The following ARID1B variants were observed in gnomAD, a reference collection of about 807,000 sequenced individuals.
The protein encoded by ARID1B is AT-rich interactive domain-containing protein 1B.
ARID1B carries 30 observed loss-of-function variants against 212.3 expected under a neutral mutation model. The ratio of observed to expected loss-of-function variants is 0.14; its 90% CI spans 0.11 to 0.19. ARID1B has a LOEUF of 0.19. Ranked by LOEUF, ARID1B falls within the 10% of genes least tolerant of loss-of-function variation. The probability of loss-of-function intolerance (pLI) is 1.00; values close to 1 mark genes in which losing one functional copy is unlikely to be tolerated. For missense variants in ARID1B, 2,891 were observed against 3,204.0 expected (o/e 0.90, Z 2.36); for synonymous variants, 1,402 against 1,301.7 (o/e 1.08, Z -1.66).
At chr6:157,133,305 A>G in intron 7 of ARID1B, 98 bp downstream of exon 7, 1 of 1,325,320 alleles carries the variant, frequency 7.5e-7, no homozygotes. Context: ...ACATATCGTA[A>G]GATCCATTAT....
chr6:157,173,684 T>C (rs950454637), intron 9 of ARID1B: 8 of 182,272 alleles, frequency 4.4e-5, no homozygotes, highest in Non-Finnish European at 8.0e-5. Flanking sequence ...TTTAAACATT[T>C]GCCTTATTTC....
In ARID1B at chr6:157,084,895, A is replaced by G. The variant is rs779669164; in HGVS notation, c.2481A>G (p.Ala827=). ...CTCGATCTGGCCCAATCTCTCCTGC[A>G]AGTATCCCAGGTATTTACTTTCCTG... ...NQSRSGPISP[A]SIPGSQMPPQ... The change falls in exon 5 of 20, where the codon GCA becomes GCG. Residue 827 remains alanine, a synonymous_variant. Coordinates refer to ENST00000636930, the MANE Select transcript of ARID1B (RefSeq NM_001374828.1). 2 of 1,609,778 alleles carry G rather than the reference A, an allele frequency of 1.2e-6. No individual in the cohort carries two copies. The highest frequency in any genetic ancestry group is 3.4e-5 in the Admixed American group (2 of 59,292).
intron 6 of ARID1B, among the ~76,000 whole-genome samples, chr6:157,130,041 C>A (rs999485183): frequency 2.0e-5 from 3 of 152,056 alleles, no homozygotes. Flanking sequence ...TGATGGCATG[C>A]ACCTGTAATC....
intron 4 of ARID1B, among the ~76,000 whole-genome samples, chr6:157,004,369 C>T (rs778929668): frequency 2.6e-5 from 4 of 152,142 alleles, no homozygotes; most frequent in South Asian, 2.1e-4. Flanking sequence ...CAAGTGAAAT[C>T]ATTTTGCAGC....
At chr6:156,975,642 A>T (rs1777190240) in intron 4 of ARID1B, among the ~76,000 whole-genome samples, 1 of 145,252 alleles carries the variant, frequency 6.9e-6, no homozygotes. Context: ...AGTTCCTTAA[A>T]GATACTGGTC....
chr6:157,107,294 C>T (rs994500546), intron 5 of ARID1B, among the ~76,000 whole-genome samples: 12 of 151,638 alleles, frequency 7.9e-5, no homozygotes, highest in Admixed American at 3.3e-4. Context: ...AAAGACATGA[C>T]GCGGAAAAAT....
At chr6:156,785,885 T>C (rs1242973770) in intron 1 of ARID1B, among the ~76,000 whole-genome samples, 2 of 152,242 alleles carry the variant, frequency 1.3e-5, no homozygotes, top group Non-Finnish European at 2.9e-5. Flanking sequence ...CTCTCAATTC[T>C]AACTTTGGGG....
chr6:156,925,408 CTTAGGA>C (rs1278105845), intron 3 of ARID1B, among the ~76,000 whole-genome samples: 2 of 152,118 alleles, frequency 1.3e-5, no homozygotes, highest in African/African-American at 4.8e-5. Context: ...ACTCAGGAGG[CTTAGGA>C]GAAAGGATCC....
At chr6:157,024,843 A>G (rs1410839565) in intron 4 of ARID1B, 2 of 152,206 alleles carry the variant, frequency 1.3e-5, no homozygotes, top group South Asian at 2.1e-4. Context: ...GCTTTTTGCT[A>G]TTGAGTAGAA....
intron 5 of ARID1B, among the ~76,000 whole-genome samples, chr6:157,102,500 T>C (rs1219693838): frequency 6.6e-6 from 1 of 152,136 alleles, no homozygotes; most frequent in Non-Finnish European, 1.5e-5. Flanking sequence ...TTATGAAGCC[T>C]TCCCCTTTAA....
At chr6:157,096,884 A>G (rs1222576179) in intron 5 of ARID1B, among the ~76,000 whole-genome samples, 1 of 152,246 alleles carries the variant, frequency 6.6e-6, no homozygotes, top group Non-Finnish European at 1.5e-5. Context: ...TAAACACCCA[A>G]ATGTATTAAT....
Position 156,778,675 on chromosome 6 carries a change from G to A in ARID1B, c.995G>A (p.Gly332Glu). 10 of 1,503,336 alleles carry A rather than the reference G, an allele frequency of 6.7e-6. No individual in the cohort carries two copies. Among genetic ancestry groups the A allele is most frequent in the Non-Finnish European group, 8.9e-6 (10 of 1,125,026 alleles). 93.1% of individuals were successfully genotyped at this position (1,503,336 alleles called of 1,614,324 possible). A position where few individuals can be genotyped will look rare whatever the true frequency, so the allele number is the denominator to read the frequency against. ...AGCGGCGGCCCCGGCGGCCGCGCTG[G>A]GCCTTGCTTTGATCAACATGGCGGA... ...PASGGPGGRA[G>E]PCFDQHGGQQ... is the part of the protein sequence containing the mutation. The change falls in exon 1 of 20, where the codon GGG becomes GAG. Residue 332 changes from glycine (G) to glutamate (E), a missense_variant. Physicochemically the swap from Gly to Glu is moderately conservative, Grantham distance 98. Transcript: ENST00000636930.
At chr6:157,142,375 C>A (rs1789421820) in intron 7 of ARID1B, among the ~76,000 whole-genome samples, 1 of 152,142 alleles carries the variant, frequency 6.6e-6, no homozygotes, top group South Asian at 2.1e-4. Context: ...CCTGTAATCA[C>A]AGCACTTTGG....
chr6:157,048,699 G>A (rs748158420), intron 4 of ARID1B, among the ~76,000 whole-genome samples: 1 of 152,190 alleles, frequency 6.6e-6, no homozygotes, highest in Admixed American at 6.5e-5. Flanking sequence ...TATCTTGTTT[G>A]CTTTGTTGTC....
At chr6:156,915,620 G>A (rs1562482378) in intron 3 of ARID1B, among the ~76,000 whole-genome samples, 1 of 151,740 alleles carries the variant, frequency 6.6e-6, no homozygotes, top group East Asian at 1.9e-4. Flanking sequence ...TTTTGGGCGG[G>A]CTCAGTGGCT....
chr6:157,118,680 A>G (rs991031157), intron 6 of ARID1B, among the ~76,000 whole-genome samples: 7 of 152,260 alleles, frequency 4.6e-5, no homozygotes, highest in African/African-American at 1.7e-4. Context: ...CTAGTCAGTA[A>G]TGAAGGCAGT....
chr6:157,188,460 C>G (rs1793132881), intron 13 of ARID1B, among the ~76,000 whole-genome samples: 1 of 152,180 alleles, frequency 6.6e-6, no homozygotes, highest in Non-Finnish European at 1.5e-5. Context: ...TTCCCAGTGT[C>G]CTCTGTAACC....
intron 2 of ARID1B, among the ~76,000 whole-genome samples, chr6:156,890,815 A>G (rs1007201832): frequency 6.6e-6 from 1 of 152,254 alleles, no homozygotes; most frequent in Admixed American, 6.5e-5. Context: ...TAAGTGCTCA[A>G]TATACATTTG....
chr6:156,896,864 C>T (rs1413881413), intron 2 of ARID1B, among the ~76,000 whole-genome samples: 2 of 152,078 alleles, frequency 1.3e-5, no homozygotes, highest in African/African-American at 2.4e-5. Context: ...GACGACAGAG[C>T]GAGACTCCAC....
Sources: allele counts gnomAD v4.1 joint callset (sites outside exome capture counted in the v4.1 genomes callset), GRCh38; gene constraint gnomAD v4.1.1; transcripts MANE v1.5; gene names NCBI Gene and HGNC (gene_info 2026-07-23, HGNC 2026-07-21).